Variants in LGALSL observed in about 807,000 individuals in gnomAD.
LGALSL encodes the protein galectin like.
LGALSL carries 13 observed loss-of-function variants against 19.5 expected under a neutral mutation model. The observed-to-expected ratio is 0.67, with a 90% CI of 0.43 to 1.06. LGALSL has a LOEUF of 1.06. LGALSL is among the 50% of genes least tolerant of loss of function. LGALSL has a pLI of 0.00. For missense variants in LGALSL, 189 were observed against 219.3 expected, an observed-to-expected ratio of 0.86 and a Z score of 0.87; for synonymous variants, 86 against 78.3, an observed-to-expected ratio of 1.10 and a Z score of -0.52.
intron 1 of LGALSL, 46 bp from the exon 2 acceptor site, chr2:64,455,298 C>T (rs766625995): frequency 1.5e-6 from 2 of 1,337,124 alleles, no homozygotes; most frequent in African/African-American, 1.4e-5. Context: ...TCCAGCCCCC[C>T]AAAAAAGAGC....
intron 3 of LGALSL, among the ~76,000 whole-genome samples, 190 bp from the exon 4 acceptor site, chr2:64,456,098 C>T (rs1686731643): frequency 6.6e-6 from 1 of 152,130 alleles, no homozygotes; most frequent in African/African-American, 2.4e-5. Context: ...CCAAAGTTTT[C>T]ACCAGAGCTT....
chr2:64,457,503 C>G (rs972196148), intron 4 of LGALSL, among the ~76,000 whole-genome samples: 1 of 152,102 alleles, frequency 6.6e-6, no homozygotes, highest in South Asian at 2.1e-4. Flanking sequence ...GTCATTACAC[C>G]TTAACATTAC....
At position 64,456,333 on chromosome 2, in the gene LGALSL, C is replaced by T. The variant is rs748412439; in HGVS notation, c.243C>T (p.Ala81=). Reference sequence around the variant, plus strand: ...GTGGGGACTCAGAAGACCCTCCTGCCGATGTGGCAATCGAACTCAAAGCTG... The same window carrying T: ...GTGGGGACTCAGAAGACCCTCCTGCTGATGTGGCAATCGAACTCAAAGCTG... ...LTCGDSEDPP[A]DVAIELKAVF... The change falls in exon 4 of 5, where the codon GCC becomes GCT. Residue 81 remains alanine (A), a synonymous_variant. Transcript: ENST00000238875. The T allele has an allele frequency of 6.2e-6, 10 of 1,611,910 alleles. No individual in the cohort carries two copies. The highest frequency in any genetic ancestry group is 5.4e-5 in the African/African-American group (4 of 74,750).
At position 64,458,646 on chromosome 2, in the gene LGALSL, T is replaced by C. The variant is rs1038682334; in HGVS notation, c.*218T>C. On this transcript the variant is annotated 3_prime_UTR_variant, in exon 5 of 5. Transcript: ENST00000238875. ...AATAATACATTTATGCTGGATTTTA[T>C]TCAGACCAAACTAAAATGGATTTGT... The C allele has an allele frequency of 9.7e-6, 4 of 411,240 alleles. No homozygotes were observed. The highest frequency in any genetic ancestry group is 1.7e-5 in the Non-Finnish European group (4 of 233,290). The allele number at this position is 411,240 out of a possible 1,614,324, so 25.5% of individuals were successfully genotyped here. A position where few individuals can be genotyped will look rare whatever the true frequency, so the allele number is the denominator to read the frequency against.
In LGALSL at chr2:64,455,655, A is replaced by G. The variant is rs1225475994; in HGVS notation, c.175A>G (p.Ile59Val). The G allele has an allele frequency of 3.1e-6, 5 of 1,613,588 alleles. No homozygotes were observed. In the South Asian group the frequency reaches 3.3e-5, roughly 11 times the overall value. ...AGGCAAGAAGGTGTTAGTGATGGGC[A>G]TCGTAGACCTCAACCCAGAGAGGTA... ...RPGKKVLVMG[I>V]VDLNPESFAI... is the part of the protein sequence containing the mutation. The change falls in exon 3 of 5, where the codon ATC becomes GTC. Residue 59 changes from isoleucine to valine, a missense_variant. Physicochemically the swap from Ile to Val is conservative, Grantham distance 29 (BLOSUM62 3). Transcript: ENST00000238875.
chr2:64,458,145 C>T, intron 4 of LGALSL, 140 bp from the exon 5 acceptor site: 1 of 739,860 alleles, frequency 1.4e-6, no homozygotes, highest in East Asian at 2.6e-5. Context: ...TGTGTTCTAA[C>T]AAGCCCTCTG....
intron 3 of LGALSL, 43 bp downstream of exon 3, chr2:64,455,720 C>A: frequency 7.0e-7 from 1 of 1,425,914 alleles, no homozygotes; most frequent in Non-Finnish European, 9.9e-7. Context: ...CAGGCTGTGG[C>A]TGAGCCCTGC....
rs1686788674 is a variant in LGALSL, at chr2:64,459,744, A to C, written c.*1316A>C. 1 of 152,244 alleles carries C rather than the reference A, an allele frequency of 6.6e-6. No homozygotes were observed. Among genetic ancestry groups the C allele is most frequent in the Non-Finnish European group, 1.5e-5 (1 of 68,054 alleles). The allele number at this position is 152,244 out of a possible 1,614,324, so 9.4% of individuals were successfully genotyped here. ...AATTAAGCTGTAGGTGTTACCCTGC[A>C]CTTACGGAACTGATCAAACAGGTGA... On this transcript the variant is annotated 3_prime_UTR_variant, in exon 5 of 5. Transcript: ENST00000238875.
Position 64,454,721 on chromosome 2 carries a change from T to A in LGALSL, c.36+140T>A. ...GCGTGGGAAGGCGCCCGGTACCTGTTAGCAGCCGCTGGCTGCGCGCGGCCG... is the reference window on the plus strand; with the variant it reads ...GCGTGGGAAGGCGCCCGGTACCTGTAAGCAGCCGCTGGCTGCGCGCGGCCG... On this transcript the variant is annotated intron_variant, in intron 1 of 4. Transcript: ENST00000238875. This position sits in a 1 kb window ranked among gnomAD's most constrained non-coding sequence, Gnocchi z 5.1. 1 of 472,160 alleles carries A rather than the reference T, an allele frequency of 2.1e-6. No individual in the cohort carries two copies. The highest frequency in any genetic ancestry group is 3.2e-6 in the Non-Finnish European group (1 of 308,434). 29.2% of individuals were successfully genotyped at this position (472,160 alleles called of 1,614,324 possible).
Position 64,461,170 on chromosome 2 carries a change from T to C in LGALSL, c.*2742T>C, listed in dbSNP as rs752469682. 1 of 152,134 alleles carries C rather than the reference T, an allele frequency of 6.6e-6. No homozygotes were observed. The highest frequency in any genetic ancestry group is 1.5e-5 in the Non-Finnish European group (1 of 68,004). 9.4% of individuals were successfully genotyped at this position (152,134 alleles called of 1,614,324 possible). On this transcript the variant is annotated 3_prime_UTR_variant, in exon 5 of 5. Coordinates refer to ENST00000238875, the MANE Select transcript of LGALSL (RefSeq NM_014181.3). ...CATTTCATTTGTGTTAAAAAGAAAA[T>C]ACCCAAAAGGAAGGAGGGAGCCCTG...
chr2:64,455,484 CATTT>C (rs1268036790), intron 2 of LGALSL, 69 bp downstream of exon 2: 3 of 1,514,536 alleles, frequency 2.0e-6, no homozygotes, highest in African/African-American at 2.7e-5. Flanking sequence ...AAATTTTATT[CATTT>C]GTTTATTGCA....
chr2:64,454,224 GGCCCTC>G lies in LGALSL; in HGVS notation c.-318_-313del. On this transcript the variant is annotated 5_prime_UTR_variant, in exon 1 of 5. Coordinates refer to ENST00000238875, the MANE Select transcript of LGALSL (RefSeq NM_014181.3). The surrounding 1 kb of genome is among the most constrained non-coding windows in gnomAD (Gnocchi z 5.1). ...ATGCTGCCCAGGGCCGACGCGGCAC[GGCCCTC>G]GCCACTTTTCTTGGTCGGGCAGCGG... 1 of 395,246 alleles carries G rather than the reference GGCCCTC, an allele frequency of 2.5e-6. No homozygotes were observed. The highest frequency in any genetic ancestry group is 4.5e-6 in the Non-Finnish European group (1 of 223,874). 24.5% of individuals were successfully genotyped at this position (395,246 alleles called of 1,614,324 possible). A position where few individuals can be genotyped will look rare whatever the true frequency, so the allele number is the denominator to read the frequency against.
At chr2:64,455,295 C>G in intron 1 of LGALSL, 49 bp from the exon 2 acceptor site, 1 of 1,259,992 alleles carries the variant, frequency 7.9e-7, no homozygotes, top group Non-Finnish European at 1.2e-6. Context: ...TCCTCCAGCC[C>G]CCCAAAAAAG....
At position 64,456,288 on chromosome 2, in the gene LGALSL, CT is replaced by C; in HGVS notation, c.201del (p.Phe67LeufsTer5). ...ATCAGTGGGATGATTTTCTTTTCAG[CT>C]TTGCAATCAGCTTGACCTGTGGGGA... is the stretch of plus-strand genomic sequence containing the variant. ...MGIVDLNPES[F>X]AISLTCGDSE... On this transcript the variant is annotated frameshift_variant and splice_region_variant, in exon 4 of 5. Transcript: ENST00000238875. LOFTEE classifies it high-confidence loss of function. 1.2e-6 allele frequency: 2 copies of C among 1,610,370 alleles called. No homozygotes were observed. Among genetic ancestry groups the C allele is most frequent in the Non-Finnish European group, 1.7e-6 (2 of 1,178,664 alleles).
In LGALSL at chr2:64,458,318, G is replaced by T; in HGVS notation, c.409G>T (p.Val137Leu). Reference protein sequence around the residue: ...EILCEHPRFRVFVDGHQLFDF... With the variant: ...EILCEHPRFRLFVDGHQLFDF... ...TCTTTGTGAGCACCCACGTTTCCGA[G>T]TGTTTGTGGATGGACACCAACTTTT... The change falls in exon 5 of 5, where the codon GTG becomes TTG. Residue 137 changes from valine to leucine, a missense_variant. Physicochemically the swap from Val to Leu is conservative, Grantham distance 32 (BLOSUM62 1). Coordinates refer to ENST00000238875, the MANE Select transcript of LGALSL (RefSeq NM_014181.3). The T allele has an allele frequency of 1.2e-6, 2 of 1,613,972 alleles. No homozygotes were observed.
In LGALSL at chr2:64,454,496, TCCCCG is replaced by T. The variant is rs1686697106; in HGVS notation, c.-46_-42del. Reference sequence around the variant, plus strand: ...CGCCCCGCGCAGGACAGCCCCGGGATCCCCGCCCGCGCGCCGCGTCCCACGTACCC... The same window carrying T: ...CGCCCCGCGCAGGACAGCCCCGGGATCCCGCGCGCCGCGTCCCACGTACCC... On this transcript the variant is annotated 5_prime_UTR_variant, in exon 1 of 5. Coordinates refer to ENST00000238875, the MANE Select transcript of LGALSL (RefSeq NM_014181.3). The surrounding 1 kb of genome is among the most constrained non-coding windows in gnomAD (Gnocchi z 5.1). The T allele has an allele frequency of 7.9e-7, 1 of 1,260,944 alleles. No individual in the cohort carries two copies. Among genetic ancestry groups the T allele is most frequent in the South Asian group, 1.9e-5 (1 of 53,890 alleles). The allele number at this position is 1,260,944 out of a possible 1,614,324, so 78.1% of individuals were successfully genotyped here.
At position 64,456,486 on chromosome 2, in the gene LGALSL, G is replaced by C. The variant is rs745727251; in HGVS notation, c.375+21G>C. The C allele has an allele frequency of 2.0e-6, 3 of 1,514,896 alleles. No homozygotes were observed. In the African/African-American group the frequency reaches 4.3e-5, roughly 22 times the overall value. The allele number at this position is 1,514,896 out of a possible 1,614,324, so 93.8% of individuals were successfully genotyped here. A position where few individuals can be genotyped will look rare whatever the true frequency, so the allele number is the denominator to read the frequency against. ...TCAGGGTGAGTACCTCGAGTGCCTC[G>C]GCTCCAGCCACTGGCAGGCTGATAA... On this transcript the variant is annotated intron_variant, in intron 4 of 4. Transcript: ENST00000238875.
chr2:64,456,524 C>A (rs912931961), intron 4 of LGALSL, 59 bp downstream of exon 4: 205 of 1,362,716 alleles, frequency 1.5e-4, no homozygotes, highest in Non-Finnish European at 1.9e-4. Flanking sequence ...TTCGACTTAC[C>A]TAGTGTGTGC....
At chr2:64,458,134 CTG>C in intron 4 of LGALSL, 149 bp from the exon 5 acceptor site, 6 of 686,228 alleles carry the variant, frequency 8.7e-6, no homozygotes, top group Non-Finnish European at 1.2e-5. Context: ...GCCCAACAAT[CTG>C]TGTTCTAACA....
Sources: gnomAD v4.1 joint callset for allele counts (sites outside exome capture counted in the v4.1 genomes callset) on GRCh38, gnomAD v4.1.1 for gene constraint, Gnocchi (gnomAD v3.1) non-coding constraint, MANE v1.5 for transcripts, NCBI Gene and HGNC (gene_info 2026-07-23, HGNC 2026-07-21) for gene names.